ASRGL1: variants seen among roughly 807,000 people sequenced by gnomAD.
ASRGL1 encodes the protein isoaspartyl peptidase/L-asparaginase.
A neutral mutation model predicts 22.4 loss-of-function variants in ASRGL1; 16 were observed. The observed-to-expected ratio is 0.71, with a 90% confidence interval of 0.48 to 1.08. The LOEUF (loss-of-function observed/expected upper bound fraction) is 1.08, where lower values mean the gene tolerates loss of function less well. ASRGL1 is among the 50% of genes least tolerant of loss of function. The pLI is 0.00. For synonymous variants in ASRGL1, 165 were observed against 159.3 expected, an observed-to-expected ratio of 1.04 and a Z score of -0.27; for missense variants, 412 against 410.1, an observed-to-expected ratio of 1.00 and a Z score of -0.04.
intron 2 of ASRGL1, among the ~76,000 whole-genome samples, chr11:62,344,695 G>A (rs1261213938): frequency 6.6e-6 from 1 of 151,802 alleles, no homozygotes; most frequent in Non-Finnish European, 1.5e-5. Context: ...CAGGGTAAAT[G>A]GGATATTCAT....
At chr11:62,401,045 T>C in the ASRGL1 span, among the ~76,000 whole-genome samples, 1 of 152,136 alleles carries the variant, frequency 6.6e-6, no homozygotes, top group African/African-American at 2.4e-5. Flanking sequence ...CCCCTCGGCC[T>C]GGGAAAGCCT....
intron 4 of ASRGL1, among the ~76,000 whole-genome samples, chr11:62,357,962 C>T (rs556290586): frequency 2.6e-5 from 4 of 151,976 alleles, no homozygotes; most frequent in South Asian, 4.1e-4. Flanking sequence ...TAGGCCACCC[C>T]GCCAGAAGAA....
Position 62,356,468 on chromosome 11 carries a change from G to A in ASRGL1, c.333+1G>A. 6.2e-7 allele frequency: 1 copy of A among 1,614,114 alleles called. No individual in the cohort carries two copies. The highest frequency in any genetic ancestry group is 8.5e-7 in the Non-Finnish European group (1 of 1,179,986). ...ACTTGCTCGGCTTGTCATGGAAAAG[G>A]TATATGTGACTAAAGCAGCCTTTTC... On this transcript the variant is annotated splice_donor_variant, in intron 3 of 6. Transcript: ENST00000415229. LOFTEE classifies it high-confidence loss of function.
At chr11:62,362,962 A>G (rs369381553) in intron 4 of ASRGL1, among the ~76,000 whole-genome samples, 1 of 103,512 alleles carries the variant, frequency 9.7e-6, no homozygotes, top group Non-Finnish European at 1.7e-5. Context: ...TGTGTCACCC[A>G]GGCTGGAGTG....
At chr11:62,340,818 C>T (rs1380319581) in intron 2 of ASRGL1, among the ~76,000 whole-genome samples, 2 of 152,192 alleles carry the variant, frequency 1.3e-5, no homozygotes, top group African/African-American at 4.8e-5. Context: ...CTATAATCCT[C>T]TAGAATAAAT....
chr11:62,369,056 G>A lies in ASRGL1; in HGVS notation c.491+11912G>A, dbSNP rs111721652. ...CTTTACGGGTGTCAGGCTGGGGGAC[G>A]GTCAGGTCTTTCCCTTCCCACGAGG... is the stretch of plus-strand genomic sequence containing the variant. On this transcript the variant is annotated intron_variant, in intron 4 of 6. Transcript: ENST00000415229. 9.8e-3 allele frequency among the ~76,000 whole-genome samples: 1,485 copies of A among 152,196 alleles called. 32 individuals carry two copies. Among genetic ancestry groups the A allele is most frequent in the African/African-American group, 0.031 (1,293 of 41,496 alleles).
intron 4 of ASRGL1, among the ~76,000 whole-genome samples, chr11:62,369,166 T>C (rs1379442550): frequency 5.3e-5 from 8 of 152,138 alleles, no homozygotes. Flanking sequence ...TTCCGCAGTG[T>C]ATTGTGTCCC....
At chr11:62,373,312 G>T in intron 4 of ASRGL1, 1 of 613,384 alleles carries the variant, frequency 1.6e-6, no homozygotes, top group Non-Finnish European at 2.9e-6. Context: ...ACTCCCTGAG[G>T]TTCCGTTTTA....
At chr11:62,352,582 T>TA (rs1271279824) in intron 2 of ASRGL1, among the ~76,000 whole-genome samples, 2 of 151,902 alleles carry the variant, frequency 1.3e-5, no homozygotes, top group Middle Eastern at 6.3e-3. Flanking sequence ...AAACTGTGTC[T>TA]AAAAAAAAGA....
chr11:62,365,727 G>C (rs1038563269), intron 4 of ASRGL1, among the ~76,000 whole-genome samples: 1 of 152,086 alleles, frequency 6.6e-6, no homozygotes, highest in African/African-American at 2.4e-5. Context: ...GCACGCACCT[G>C]TAATCTCAGC....
chr11:62,386,814 T>C (rs1947222370), intron 4 of ASRGL1, among the ~76,000 whole-genome samples: 1 of 152,284 alleles, frequency 6.6e-6, no homozygotes, highest in African/African-American at 2.4e-5. Flanking sequence ...GAGTTCCACT[T>C]CCTGCACATC....
At chr11:62,359,360 C>T (rs550654914) in intron 4 of ASRGL1, among the ~76,000 whole-genome samples, 5 of 152,006 alleles carry the variant, frequency 3.3e-5, no homozygotes, top group South Asian at 2.1e-4. Flanking sequence ...GCAGGAGAAT[C>T]GCTTGAACCC....
At chr11:62,357,943 A>G (rs985327003) in intron 4 of ASRGL1, among the ~76,000 whole-genome samples, 3 of 152,158 alleles carry the variant, frequency 2.0e-5, no homozygotes, top group East Asian at 1.9e-4. Flanking sequence ...TTTTCAAAAT[A>G]TGCATGTTTA....
intron 4 of ASRGL1, among the ~76,000 whole-genome samples, chr11:62,362,617 ATATATTATATAAAAT>A: frequency 2.5e-5 from 2 of 79,654 alleles, no homozygotes; most frequent in African/African-American, 1.1e-4. Flanking sequence ...AATATATATT[ATATATTATATAAAAT>A]ATATATAATA....
Position 62,380,306 on chromosome 11 carries a change from G to A in ASRGL1, c.492-8827G>A, listed in dbSNP as rs530540885. 3.3e-5 allele frequency among the ~76,000 whole-genome samples: 5 copies of A among 152,076 alleles called. No homozygotes were observed. The East Asian group carries it at 5.8e-4, about 18-fold the overall frequency. The stretch of plus-strand genomic sequence containing the variant: ...CTATGACCTTACGGGCATTTTCATC[G>A]GTAATTGACTTTTGAGCAGCATCTC... On this transcript the variant is annotated intron_variant, in intron 4 of 6. Transcript: ENST00000415229.
chr11:62,372,453 T>G, intron 4 of ASRGL1: 1 of 1,534,142 alleles, frequency 6.5e-7, no homozygotes, highest in Non-Finnish European at 9.0e-7. Context: ...TTGGGTGCCC[T>G]GAATATGGTC....
At chr11:62,375,784 C>T (rs1946910656) in intron 4 of ASRGL1, among the ~76,000 whole-genome samples, 1 of 151,772 alleles carries the variant, frequency 6.6e-6, no homozygotes, top group East Asian at 1.9e-4. Flanking sequence ...CTCCTGCAGG[C>T]ATGGGGAGAC....
chr11:62,361,026 T>C (rs1383800046), intron 4 of ASRGL1, among the ~76,000 whole-genome samples: 2 of 152,094 alleles, frequency 1.3e-5, no homozygotes, highest in African/African-American at 4.8e-5. Flanking sequence ...GATTTCAAAA[T>C]TTGGTAAAAT....
At position 62,381,482 on chromosome 11, in the gene ASRGL1, C is replaced by A. The variant is rs116942810; in HGVS notation, c.492-7651C>A. Among the ~76,000 whole-genome samples, 700 of 152,260 alleles carry A rather than the reference C, an allele frequency of 4.6e-3. 11 individuals are homozygous for A. Among genetic ancestry groups the A allele is most frequent in the African/African-American group, 0.016 (671 of 41,528 alleles). The stretch of plus-strand genomic sequence containing the variant: ...ATTACACAGCTTTCAGGGGCATCAG[C>A]AACTGAAACGCTATCTTCTCCTGTT... On this transcript the variant is annotated intron_variant, in intron 4 of 6. Transcript: ENST00000415229.
Sources: allele counts gnomAD v4.1 joint callset (sites outside exome capture counted in the v4.1 genomes callset), GRCh38; gene constraint gnomAD v4.1.1; transcripts MANE v1.5; gene names NCBI Gene and HGNC (gene_info 2026-07-23, HGNC 2026-07-21).